UGGT1: variants seen among roughly 807,000 people sequenced by gnomAD.
UGGT1 encodes the protein UDP-glucose:glycoprotein glucosyltransferase 1.
A neutral mutation model predicts 203.9 loss-of-function variants in UGGT1; 107 were observed. The observed-to-expected ratio is 0.52, with a 90% CI of 0.45 to 0.62. The LOEUF (loss-of-function observed/expected upper bound fraction) is 0.62, where lower values mean the gene tolerates loss of function less well. Ranked by LOEUF, UGGT1 falls within the 20% of genes least tolerant of loss-of-function variation. The probability of loss-of-function intolerance (pLI) is 0.00; values close to 1 mark genes in which losing one functional copy is unlikely to be tolerated. For synonymous variants in UGGT1, 628 were observed against 653.5 expected (o/e 0.96, Z 0.59); for missense variants, 1,673 against 1,867.2 (o/e 0.90, Z 1.92).
intron 3 of UGGT1, among the ~76,000 whole-genome samples, chr2:128,105,342 TA>T (rs974396906): frequency 6.7e-6 from 1 of 149,908 alleles, no homozygotes; most frequent in African/African-American, 2.4e-5. Context: ...TTGGGCTAAT[TA>T]AAAAAATTTT....
chr2:128,103,633 G>C (rs1687478741), intron 2 of UGGT1, among the ~76,000 whole-genome samples: 1 of 151,570 alleles, frequency 6.6e-6, no homozygotes, highest in Non-Finnish European at 1.5e-5. Flanking sequence ...TTGTCAATGG[G>C]GTTTCATAAG....
intron 14 of UGGT1, among the ~76,000 whole-genome samples, chr2:128,134,154 C>T (rs1030672887): frequency 7.9e-5 from 12 of 152,202 alleles, no homozygotes; most frequent in Admixed American, 4.6e-4. Context: ...TCTCCTGCCT[C>T]ACCTCCCAGT....
Position 128,091,680 on chromosome 2 carries a change from G to A in UGGT1, c.58+265G>A, listed in dbSNP as rs1573475395. On this transcript the variant is annotated intron_variant, in intron 1 of 40. Transcript: ENST00000259253. Reference sequence around the variant, plus strand: ...AGAGCTTTAGATCCTTGTGCCAAGTGCAGAAGGAAATGGGGGAGGTATCCT... The same window carrying A: ...AGAGCTTTAGATCCTTGTGCCAAGTACAGAAGGAAATGGGGGAGGTATCCT... 7.2e-6 allele frequency: 8 copies of A among 1,107,118 alleles called. No homozygotes were observed. The East Asian group carries it at 1.6e-4, about 23-fold the overall frequency. The allele number at this position is 1,107,118 out of a possible 1,614,324, so 68.6% of individuals were successfully genotyped here. A position where few individuals can be genotyped will look rare whatever the true frequency, so the allele number is the denominator to read the frequency against.
chr2:128,152,647 A>C, intron 18 of UGGT1, 137 bp from the exon 19 acceptor site: 2 of 1,208,878 alleles, frequency 1.7e-6, no homozygotes, highest in Middle Eastern at 4.2e-4. Context: ...GACCAATAAC[A>C]TAGTAACTTC....
In UGGT1 at chr2:128,091,407, C is replaced by G. The variant is rs1244656802; in HGVS notation, c.50C>G (p.Pro17Arg). ...ASGACAAGAL[P>R]VTGVCYKMGV... ...GGTGCGTGTGCCGCGGGTGCGCTGC[C>G]GGTGACAGGTACCCAGGGGTGGCGT... Residue 17 changes from proline to arginine, a missense_variant, in exon 1 of 41, where the codon CCG becomes CGG. Physicochemically the swap from Pro to Arg is moderately radical, Grantham distance 103. Coordinates refer to ENST00000259253, the MANE Select transcript of UGGT1 (RefSeq NM_020120.4). The G allele has an allele frequency of 6.3e-7, 1 of 1,581,754 alleles. No individual in the cohort carries two copies. The highest frequency in any genetic ancestry group is 1.8e-5 in the Admixed American group (1 of 55,160).
In UGGT1 at chr2:128,143,197, T is replaced by C; in HGVS notation, c.1823T>C (p.Ile608Thr). The C allele has an allele frequency of 6.2e-6, 10 of 1,613,612 alleles. No homozygotes were observed. The highest frequency in any genetic ancestry group is 8.5e-6 in the Non-Finnish European group (10 of 1,179,840). Residue 608 changes from isoleucine to threonine, a missense_variant, in exon 17 of 41, where the codon ATT becomes ACT. Physicochemically the swap from Ile to Thr is moderately conservative, Grantham distance 89 (BLOSUM62 -1). Transcript: ENST00000259253. ...PYVEVNSILG[I>T]DSAYDRNRKE... is the part of the protein sequence containing the mutation. Reference sequence around the variant, plus strand: ...GTAGAAGTGAATAGCATTTTGGGGATTGATTCTGCTTATGATCGGAATCGG... The same window carrying C: ...GTAGAAGTGAATAGCATTTTGGGGACTGATTCTGCTTATGATCGGAATCGG...
chr2:128,127,646 C>T (rs1688667245), intron 12 of UGGT1, among the ~76,000 whole-genome samples, 194 bp downstream of exon 12: 1 of 152,192 alleles, frequency 6.6e-6, no homozygotes, highest in Non-Finnish European at 1.5e-5. Flanking sequence ...TCTTGTGTTA[C>T]AGTGTGTGTT....
intron 14 of UGGT1, 104 bp downstream of exon 14, chr2:128,133,364 C>T: frequency 7.0e-7 from 1 of 1,419,386 alleles, no homozygotes; most frequent in Non-Finnish European, 9.7e-7. Flanking sequence ...CTAGCTGCTT[C>T]CTCCCCCACC....
chr2:128,127,560 G>T (rs774656275), intron 12 of UGGT1, 108 bp downstream of exon 12: 5 of 824,588 alleles, frequency 6.1e-6, no homozygotes, highest in Non-Finnish European at 9.8e-6. Context: ...AAAGTCTGAT[G>T]GCTTACCAGC....
chr2:128,131,833 T>G (rs192538387), intron 13 of UGGT1, among the ~76,000 whole-genome samples: 3 of 152,270 alleles, frequency 2.0e-5, no homozygotes, highest in African/African-American at 7.2e-5. Context: ...TTCACCATGT[T>G]GGCCAGGATG....
At chr2:128,167,590 C>T (rs1240342900) in intron 26 of UGGT1, among the ~76,000 whole-genome samples, 1 of 152,206 alleles carries the variant, frequency 6.6e-6, no homozygotes, top group African/African-American at 2.4e-5. Flanking sequence ...TTCCCGTGTG[C>T]ATTCATGCTA....
intron 18 of UGGT1, chr2:128,151,108 C>G: frequency 3.1e-6 from 1 of 321,642 alleles, no homozygotes; most frequent in Non-Finnish European, 6.0e-6. Flanking sequence ...GCCTCAGCCT[C>G]CCAAAGTGCT....
intron 26 of UGGT1, among the ~76,000 whole-genome samples, chr2:128,168,194 C>G (rs1690890466): frequency 1.3e-5 from 2 of 152,262 alleles, no homozygotes; most frequent in South Asian, 4.2e-4. Flanking sequence ...TGGGTTGGAT[C>G]CTGACTTGCT....
intron 11 of UGGT1, among the ~76,000 whole-genome samples, chr2:128,126,397 C>T (rs1292381366): frequency 3.3e-5 from 5 of 151,932 alleles, no homozygotes; most frequent in Admixed American, 6.6e-5. Context: ...CCTGCCACCA[C>T]GCCCAGCTAA....
At position 128,156,376 on chromosome 2, in the gene UGGT1, C is replaced by G. The variant is rs1690230815; in HGVS notation, c.2237-16C>G. 4 of 1,584,462 alleles carry G rather than the reference C, an allele frequency of 2.5e-6. No homozygotes were observed. In the Admixed American group the frequency reaches 6.7e-5, roughly 27 times the overall value. The stretch of plus-strand genomic sequence containing the variant: ...TGATACTTTTTTTCTACTCTTTTCT[C>G]TTTACCTTTGTTCAGGAATGTCCTC... On this transcript the variant is annotated splice_polypyrimidine_tract_variant and intron_variant, in intron 20 of 40. Coordinates refer to ENST00000259253, the MANE Select transcript of UGGT1 (RefSeq NM_020120.4).
rs1412262982 is a variant in UGGT1 at position 128,193,530 on chromosome 2, A to T, written c.*3788A>T. 1 of 152,522 alleles carries T rather than the reference A, an allele frequency of 6.6e-6. No individual in the cohort carries two copies. The highest frequency in any genetic ancestry group is 1.5e-5 in the Non-Finnish European group (1 of 68,376). The allele number at this position is 152,522 out of a possible 1,614,324, so 9.4% of individuals were successfully genotyped here. ...CACCTCGGCCTCCCAAAGTGCTGGGATTACAGGCGTGAGCCACTATGTCCG... is the reference window on the plus strand; with the variant it reads ...CACCTCGGCCTCCCAAAGTGCTGGGTTTACAGGCGTGAGCCACTATGTCCG... On this transcript the variant is annotated 3_prime_UTR_variant, in exon 41 of 41. Coordinates refer to ENST00000259253, the MANE Select transcript of UGGT1 (RefSeq NM_020120.4).
At chr2:128,178,049 C>T in intron 33 of UGGT1, 129 bp downstream of exon 33, 1 of 763,246 alleles carries the variant, frequency 1.3e-6, no homozygotes, top group Non-Finnish European at 2.1e-6. Flanking sequence ...CTACATCTCA[C>T]ACTTATATTT....
intron 8 of UGGT1, among the ~76,000 whole-genome samples, chr2:128,119,560 T>C (rs1688278751): frequency 6.6e-6 from 1 of 152,222 alleles, no homozygotes; most frequent in African/African-American, 2.4e-5. Context: ...TAGTGGAATA[T>C]GCTATATTTA....
At chr2:128,093,064 G>T (rs753894449) in intron 1 of UGGT1, among the ~76,000 whole-genome samples, 2 of 152,134 alleles carry the variant, frequency 1.3e-5, no homozygotes, top group Non-Finnish European at 2.9e-5. Context: ...TGCTTCTCTG[G>T]ACAGTCTTTT....
Sources: gnomAD v4.1 joint callset for allele counts (sites outside exome capture counted in the v4.1 genomes callset) on GRCh38, gnomAD v4.1.1 for gene constraint, MANE v1.5 for transcripts, NCBI Gene and HGNC (gene_info 2026-07-23, HGNC 2026-07-21) for gene names.